MBLAC2: variants seen among roughly 807,000 people sequenced by gnomAD.
MBLAC2 encodes metallo-beta-lactamase domain containing 2, also known as acyl-coenzyme A thioesterase MBLAC2.
A neutral mutation model predicts 23.3 loss-of-function variants in MBLAC2; 24 were observed. The ratio of observed to expected loss-of-function variants is 1.03; its 90% CI spans 0.75 to 1.45. MBLAC2 has a LOEUF of 1.45. Ranked by LOEUF, MBLAC2 falls within the 40% of genes most tolerant of loss-of-function variation. The probability of loss-of-function intolerance (pLI) is 0.00; values close to 1 mark genes in which losing one functional copy is unlikely to be tolerated. For synonymous variants in MBLAC2, 162 were observed against 150.9 expected (o/e 1.07, Z -0.54); for missense variants, 358 against 370.0 (o/e 0.97, Z 0.27).
chr5:90,468,128 T>C (rs1047065146), intron 1 of MBLAC2, among the ~76,000 whole-genome samples: 2 of 152,202 alleles, frequency 1.3e-5, no homozygotes, highest in African/African-American at 4.8e-5. Flanking sequence ...TTAAGATTCT[T>C]TCCTTTCATC....
chr5:90,470,915 T>C (rs1580182885), intron 1 of MBLAC2, among the ~76,000 whole-genome samples: 1 of 152,112 alleles, frequency 6.6e-6, no homozygotes, highest in East Asian at 1.9e-4. Context: ...GGAGGGGCAT[T>C]CACTAGAGTT....
At position 90,474,511 on chromosome 5, in the gene MBLAC2, G is replaced by A; in HGVS notation, c.-219C>T. 1 of 551,218 alleles carries A rather than the reference G, an allele frequency of 1.8e-6. No homozygotes were observed. Among genetic ancestry groups the A allele is most frequent in the Non-Finnish European group, 3.2e-6 (1 of 313,636 alleles). 34.1% of individuals were successfully genotyped at this position (551,218 alleles called of 1,614,324 possible). ...GTGCGCTCCCGCACCCTTCCGCCAG[G>A]TCGGCAGCAAGCAGAGGCTGCGCCA... On this transcript the variant is annotated 5_prime_UTR_variant, in exon 1 of 2. Transcript: ENST00000316610.
Position 90,458,340 on chromosome 5 carries a change from A to G in MBLAC2, c.*2827T>C, listed in dbSNP as rs1037181552. On this transcript the variant is annotated 3_prime_UTR_variant, in exon 2 of 2. Transcript: ENST00000316610. ...AATACATTTAGTCAACTATATCAGG[A>G]TAACACACAAGGTTTTTGTTTGTTT... 9.2e-5 allele frequency: 14 copies of G among 152,300 alleles called. No homozygotes were observed. Among genetic ancestry groups the G allele is most frequent in the African/African-American group, 2.4e-4 (10 of 41,586 alleles). 9.4% of individuals were successfully genotyped at this position (152,300 alleles called of 1,614,324 possible). A position where few individuals can be genotyped will look rare whatever the true frequency, so the allele number is the denominator to read the frequency against.
rs1580179239 is a variant in MBLAC2 at position 90,460,940 on chromosome 5, A to G, written c.*227T>C. On this transcript the variant is annotated 3_prime_UTR_variant, in exon 2 of 2. Coordinates refer to ENST00000316610, the MANE Select transcript of MBLAC2 (RefSeq NM_203406.2). Reference sequence around the variant, plus strand: ...TGTCATTTCTAGAGCATATATTACAAGATGACAGCTTTGGCAAAGTATAAG... The same window carrying G: ...TGTCATTTCTAGAGCATATATTACAGGATGACAGCTTTGGCAAAGTATAAG... 4.8e-6 allele frequency: 2 copies of G among 416,134 alleles called. No homozygotes were observed. The highest frequency in any genetic ancestry group is 7.9e-5 in the East Asian group (2 of 25,322). The allele number at this position is 416,134 out of a possible 1,614,324, so 25.8% of individuals were successfully genotyped here.
chr5:90,470,289 T>C (rs947892043), intron 1 of MBLAC2, among the ~76,000 whole-genome samples: 1 of 152,176 alleles, frequency 6.6e-6, no homozygotes, highest in Non-Finnish European at 1.5e-5. Flanking sequence ...CAGTGTTTGA[T>C]AGACTAGAGT....
intron 1 of MBLAC2, among the ~76,000 whole-genome samples, chr5:90,469,470 GT>G (rs35876203): frequency 6.8e-4 from 98 of 144,730 alleles, no homozygotes; most frequent in Admixed American, 1.5e-3. Flanking sequence ...AATTCTAAGA[GT>G]TTTTTTTTTT....
At position 90,474,060 on chromosome 5, in the gene MBLAC2, A is replaced by G. The variant is rs1209709890; in HGVS notation, c.233T>C (p.Leu78Pro). The change falls in exon 1 of 2, where the codon CTT becomes CCT. Residue 78 changes from leucine to proline, a missense_variant. By Grantham distance (98) the Leu-to-Pro change is moderately conservative. Transcript: ENST00000316610. ...AKEDAARRPL[L>P]AVATHVHFDH... ...GAAGTGCACGTGGGTGGCCACGGCAAGCAGTGGCCGGCGCGCCGCGTCCTC... is the reference window on the plus strand; with the variant it reads ...GAAGTGCACGTGGGTGGCCACGGCAGGCAGTGGCCGGCGCGCCGCGTCCTC... 3 of 1,583,064 alleles carry G rather than the reference A, an allele frequency of 1.9e-6. No homozygotes were observed. The highest frequency in any genetic ancestry group is 3.7e-5 in the Admixed American group (2 of 53,838).
chr5:90,464,233 C>G (rs527335571), intron 1 of MBLAC2, among the ~76,000 whole-genome samples: 1 of 152,142 alleles, frequency 6.6e-6, no homozygotes, highest in East Asian at 1.9e-4. Flanking sequence ...AAATCTAACT[C>G]AGTTATTACC....
chr5:90,474,422 G>A lies in MBLAC2; in HGVS notation c.-130C>T. ...CCAGGGAGGAGGCGTAGAGCGAGGCGGGGGCGTGGGATGCGGGGGTCGGAA... is the reference window on the plus strand; with the variant it reads ...CCAGGGAGGAGGCGTAGAGCGAGGCAGGGGCGTGGGATGCGGGGGTCGGAA... On this transcript the variant is annotated 5_prime_UTR_variant, in exon 1 of 2. Transcript: ENST00000316610. 6 of 817,724 alleles carry A rather than the reference G, an allele frequency of 7.3e-6. No homozygotes were observed. Among genetic ancestry groups the A allele is most frequent in the South Asian group, 1.6e-5 (1 of 63,738 alleles). 50.7% of individuals were successfully genotyped at this position (817,724 alleles called of 1,614,324 possible).
chr5:90,470,785 C>T (rs10052555), intron 1 of MBLAC2, among the ~76,000 whole-genome samples: 1 of 148,068 alleles, frequency 6.8e-6, no homozygotes, highest in Non-Finnish European at 1.5e-5. Context: ...CACACACACA[C>T]GCTTTCTTTC....
chr5:90,465,638 G>A (rs560951351), intron 1 of MBLAC2, among the ~76,000 whole-genome samples: 13 of 152,244 alleles, frequency 8.5e-5, no homozygotes, highest in Admixed American at 3.3e-4. Flanking sequence ...AAAGTGCAGT[G>A]GCCCGCTTAT....
intron 1 of MBLAC2, chr5:90,471,633 T>C (rs1435726405): frequency 1.3e-5 from 2 of 152,138 alleles, no homozygotes; most frequent in African/African-American, 4.8e-5. Context: ...TTAAAGGAAA[T>C]GTAATAAATG....
intron 1 of MBLAC2, among the ~76,000 whole-genome samples, chr5:90,470,494 G>C (rs1388989508): frequency 6.6e-6 from 1 of 152,000 alleles, no homozygotes; most frequent in Non-Finnish European, 1.5e-5. Context: ...AAAAAAGAAG[G>C]GGGGACAAGA....
chr5:90,473,844 T>G lies in MBLAC2; in HGVS notation c.449A>C (p.Gln150Pro), dbSNP rs775584208. 2 of 1,579,818 alleles carry G rather than the reference T, an allele frequency of 1.3e-6. No individual in the cohort carries two copies. The highest frequency in any genetic ancestry group is 2.3e-5 in the East Asian group (1 of 43,044). ...CGCCCGCGGGGGCCCATTACCATCC[T>G]GCAGGATGAGGGTGGGCTGCACCGC... Reference protein sequence around the residue: ...VQAVQPTLILQDGDVINLGDR... With the variant: ...VQAVQPTLILPDGDVINLGDR... The change falls in exon 1 of 2, where the codon CAG becomes CCG. Residue 150 changes from glutamine (Q) to proline (P), a missense_variant. Gln to Pro is a moderately conservative substitution (Grantham distance 76). Coordinates refer to ENST00000316610, the MANE Select transcript of MBLAC2 (RefSeq NM_203406.2).
rs1161290870 is a variant in MBLAC2, at chr5:90,458,492, A to C, written c.*2675T>G. The C allele has an allele frequency of 6.6e-6, 1 of 152,196 alleles. No homozygotes were observed. The highest frequency in any genetic ancestry group is 1.5e-5 in the Non-Finnish European group (1 of 68,020). 9.4% of individuals were successfully genotyped at this position (152,196 alleles called of 1,614,324 possible). A position where few individuals can be genotyped will look rare whatever the true frequency, so the allele number is the denominator to read the frequency against. The stretch of plus-strand genomic sequence containing the variant: ...ATTTTGACAACTTTGAATTATACTT[A>C]CATACTAATATTTCCAAAAATCATT... On this transcript the variant is annotated 3_prime_UTR_variant, in exon 2 of 2. Coordinates refer to ENST00000316610, the MANE Select transcript of MBLAC2 (RefSeq NM_203406.2).
At chr5:90,466,177 G>A (rs1007901483) in intron 1 of MBLAC2, among the ~76,000 whole-genome samples, 1 of 152,124 alleles carries the variant, frequency 6.6e-6, no homozygotes, top group African/African-American at 2.4e-5. Flanking sequence ...AGACATAATC[G>A]ATATAACAGA....
At chr5:90,468,005 T>C (rs1750478905) in intron 1 of MBLAC2, among the ~76,000 whole-genome samples, 1 of 152,212 alleles carries the variant, frequency 6.6e-6, no homozygotes, top group South Asian at 2.1e-4. Flanking sequence ...GGCTGATAAT[T>C]GTTTTGTTTA....
rs142019986 is a variant in MBLAC2, at chr5:90,474,157, T to A, written c.136A>T (p.Thr46Ser). ...GGGAGGCTGCGCAGCCCCAGGCCTG[T>A]ATCGATCACCACGTCCTGCTCGGAG... Reference protein sequence around the residue: ...RGSEQDVVIDTGLGLRSLPEY... With the variant: ...RGSEQDVVIDSGLGLRSLPEY... The change falls in exon 1 of 2, where the codon ACA (threonine) becomes TCA (serine). Residue 46 changes from threonine (T) to serine (S), a missense_variant. Coordinates refer to ENST00000316610, the MANE Select transcript of MBLAC2 (RefSeq NM_203406.2). The A allele has an allele frequency of 1.0e-3, 1,643 of 1,598,494 alleles. 2 individuals are homozygous for A. Among genetic ancestry groups the A allele is most frequent in the Middle Eastern group, 1.5e-3 (9 of 6,046 alleles).
intron 1 of MBLAC2, chr5:90,473,359 A>C: frequency 8.8e-6 from 3 of 340,974 alleles, no homozygotes; most frequent in Non-Finnish European, 1.6e-5. Context: ...ACAGGTGGGA[A>C]CTGCCCATAC....
Sources: gnomAD v4.1 joint callset for allele counts (sites outside exome capture counted in the v4.1 genomes callset) on GRCh38, gnomAD v4.1.1 for gene constraint, MANE v1.5 for transcripts, NCBI Gene and HGNC (gene_info 2026-07-23, HGNC 2026-07-21) for gene names.